DNAJA2: variants seen among roughly 807,000 people sequenced by gnomAD.
The protein encoded by DNAJA2 is dnaJ homolog subfamily A member 2.
DNAJA2 carries 6 observed loss-of-function variants against 49.3 expected under a neutral mutation model. The ratio of observed to expected loss-of-function variants is 0.12; its 90% CI spans 0.07 to 0.24. The LOEUF (loss-of-function observed/expected upper bound fraction) is 0.24, where lower values mean the gene tolerates loss of function less well. Among genes scored for constraint, DNAJA2 ranks in the 10% least tolerant of loss-of-function variants. DNAJA2 has a pLI of 1.00. For missense variants in DNAJA2, 347 were observed against 516.8 expected (o/e 0.67, Z 3.19); for synonymous variants, 160 against 172.7 (o/e 0.93, Z 0.58).
At chr16:46,963,714 C>A (rs1050562766) in intron 6 of DNAJA2, among the ~76,000 whole-genome samples, 3 of 151,832 alleles carry the variant, frequency 2.0e-5, no homozygotes, top group African/African-American at 7.3e-5. Context: ...AAAAACCCCC[C>A]AAAACATACA....
chr16:46,965,312 G>A (rs1204006828), intron 5 of DNAJA2, among the ~76,000 whole-genome samples: 1 of 152,152 alleles, frequency 6.6e-6, no homozygotes, highest in East Asian at 1.9e-4. Context: ...AGAATGTAAT[G>A]TATCCATACC....
At chr16:46,967,789 T>C in intron 4 of DNAJA2, 143 bp from the exon 5 acceptor site, 2 of 1,231,380 alleles carry the variant, frequency 1.6e-6, no homozygotes, top group Non-Finnish European at 2.3e-6. Flanking sequence ...TCAGAAAACA[T>C]TCTGCTAAGA....
chr16:46,955,806 AAC>A lies in DNAJA2; in HGVS notation c.*1221_*1222del, dbSNP rs1961799912. 1 of 152,238 alleles carries A rather than the reference AAC, an allele frequency of 6.6e-6. No homozygotes were observed. The highest frequency in any genetic ancestry group is 1.5e-5 in the Non-Finnish European group (1 of 68,040). 9.4% of individuals were successfully genotyped at this position (152,238 alleles called of 1,614,324 possible). On this transcript the variant is annotated 3_prime_UTR_variant, in exon 9 of 9. Transcript: ENST00000317089. Reference sequence around the variant, plus strand: ...GTAAAAACCAGATGATGGAAAGAGAAACACAACATCCGTTTCATCAATTTTAC... The same window carrying A: ...GTAAAAACCAGATGATGGAAAGAGAAACAACATCCGTTTCATCAATTTTAC...
intron 1 of DNAJA2, chr16:46,972,166 G>A (rs1395261427): frequency 1.9e-6 from 1 of 516,770 alleles, no homozygotes; most frequent in Non-Finnish European, 3.4e-6. Context: ...CTTGAAAACA[G>A]GTTACAGTGA....
intron 5 of DNAJA2, 35 bp from the exon 6 acceptor site, chr16:46,964,842 G>A: frequency 1.3e-6 from 2 of 1,490,162 alleles, no homozygotes; most frequent in Non-Finnish European, 1.8e-6. Flanking sequence ...TTCAGCAAGA[G>A]TACTATACTG....
chr16:46,968,232 A>T (rs959113968), intron 3 of DNAJA2, 68 bp from the exon 4 acceptor site: 8 of 1,012,980 alleles, frequency 7.9e-6, no homozygotes, highest in Non-Finnish European at 1.0e-5. Context: ...TATAAGTAAC[A>T]GCTGATACAG....
At chr16:46,968,231 C>A in intron 3 of DNAJA2, 67 bp from the exon 4 acceptor site, 1 of 1,009,696 alleles carries the variant, frequency 9.9e-7, no homozygotes, top group Non-Finnish European at 1.5e-6. Flanking sequence ...ATATAAGTAA[C>A]AGCTGATACA....
rs147581991 is a variant in DNAJA2 at position 46,960,356 on chromosome 16, C to A, written c.775-937G>T. On this transcript the variant is annotated intron_variant, in intron 6 of 8. Transcript: ENST00000317089. ...TCCAGCATCTGTAGTCCTAACAAGCCCTCCAGGCAATTCTTGTGTGTGTGC... is the reference window on the plus strand; with the variant it reads ...TCCAGCATCTGTAGTCCTAACAAGCACTCCAGGCAATTCTTGTGTGTGTGC... 1.0e-3 allele frequency among the ~76,000 whole-genome samples: 159 copies of A among 152,254 alleles called. 1 individual carries two copies. The highest frequency in any genetic ancestry group is 3.7e-3 in the African/African-American group (154 of 41,540).
intron 6 of DNAJA2, 111 bp downstream of exon 6, chr16:46,964,500 C>A: frequency 9.9e-7 from 1 of 1,014,912 alleles, no homozygotes; most frequent in Non-Finnish European, 1.4e-6. Context: ...CTTAACTTCA[C>A]CAGTGTTCAG....
rs1242526390 is a variant in DNAJA2 at position 46,955,763 on chromosome 16, T to C, written c.*1266A>G. ...TCCTCAAATAAGTGTGTTCTAAAAA[T>C]ACCTACTGAGTGAAATGGTAAAAAC... On this transcript the variant is annotated 3_prime_UTR_variant, in exon 9 of 9. Transcript: ENST00000317089. 1 of 152,160 alleles carries C rather than the reference T, an allele frequency of 6.6e-6. No individual in the cohort carries two copies. Among genetic ancestry groups the C allele is most frequent in the Non-Finnish European group, 1.5e-5 (1 of 68,020 alleles). 9.4% of individuals were successfully genotyped at this position (152,160 alleles called of 1,614,324 possible).
In DNAJA2 at chr16:46,956,982, A is replaced by C. The variant is rs746067266; in HGVS notation, c.*47T>G. 5.3e-5 allele frequency: 85 copies of C among 1,603,634 alleles called. No homozygotes were observed. The Middle Eastern group carries it at 1.5e-3, about 28-fold the overall frequency. On this transcript the variant is annotated 3_prime_UTR_variant, in exon 9 of 9. Coordinates refer to ENST00000317089, the MANE Select transcript of DNAJA2 (RefSeq NM_005880.4). ...CCAGCTGGATTGCTGAGAACAAATC[A>C]GGCAAATGTGGAAAGAAAATCCACC...
chr16:46,971,786 G>T, intron 2 of DNAJA2, 110 bp downstream of exon 2: 1 of 1,012,974 alleles, frequency 9.9e-7, no homozygotes, highest in Non-Finnish European at 1.5e-6. Flanking sequence ...ATGAAAATGT[G>T]GCTGTGTGGG....
chr16:46,972,623 G>C (rs182193713), intron 1 of DNAJA2: 2 of 152,268 alleles, frequency 1.3e-5, no homozygotes, highest in African/African-American at 4.8e-5. Flanking sequence ...AAGGTAACAG[G>C]AAGTCCACTG....
chr16:46,972,279 T>G (rs1962064303), intron 1 of DNAJA2: 1 of 259,432 alleles, frequency 3.9e-6, no homozygotes, highest in Admixed American at 5.2e-5. Context: ...GATGGCCAAG[T>G]AACCAGACCA....
chr16:46,971,661 TAA>T (rs71134521), intron 2 of DNAJA2, 89 bp from the exon 3 acceptor site: 390 of 466,648 alleles, frequency 8.4e-4, no homozygotes, highest in Middle Eastern at 2.5e-3. Flanking sequence ...CATTTAATTC[TAA>T]AAAAAAAAAA....
chr16:46,972,042 G>T, intron 1 of DNAJA2, 87 bp from the exon 2 acceptor site: 1 of 946,724 alleles, frequency 1.1e-6, no homozygotes, highest in Non-Finnish European at 1.7e-6. Flanking sequence ...TTTCTGAGAA[G>T]TAATGTTCTA....
intron 8 of DNAJA2, 98 bp downstream of exon 8, chr16:46,958,905 C>T (rs1275010810): frequency 7.2e-7 from 1 of 1,391,056 alleles, no homozygotes; most frequent in African/African-American, 1.4e-5. Context: ...GATCACACCA[C>T]TACACCCCAG....
At chr16:46,958,778 C>CA (rs1194890628) in intron 8 of DNAJA2, 6 of 430,572 alleles carry the variant, frequency 1.4e-5, no homozygotes, top group African/African-American at 6.1e-5. Context: ...GACTGTGTCT[C>CA]AAAAAATTTT....
rs900791323 is a variant in DNAJA2 at position 46,955,884 on chromosome 16, TATAA to T, written c.*1141_*1144del. On this transcript the variant is annotated 3_prime_UTR_variant, in exon 9 of 9. Coordinates refer to ENST00000317089, the MANE Select transcript of DNAJA2 (RefSeq NM_005880.4). ...TTTTTTGCTTATTTTTAGTTTGAAA[TATAA>T]ATAACTACAACAATGCATATTTCAG... 2.0e-5 allele frequency: 3 copies of T among 152,112 alleles called. No individual in the cohort carries two copies. The highest frequency in any genetic ancestry group is 7.2e-5 in the African/African-American group (3 of 41,436). The allele number at this position is 152,112 out of a possible 1,614,324, so 9.4% of individuals were successfully genotyped here. A position where few individuals can be genotyped will look rare whatever the true frequency, so the allele number is the denominator to read the frequency against.
Sources: allele counts gnomAD v4.1 joint callset (sites outside exome capture counted in the v4.1 genomes callset), GRCh38; gene constraint gnomAD v4.1.1; transcripts MANE v1.5; gene names NCBI Gene and HGNC (gene_info 2026-07-23, HGNC 2026-07-21).